The following HERC6 variants were observed in gnomAD, a reference collection of about 807,000 sequenced individuals.
HERC6 encodes the protein probable E3 ubiquitin-protein ligase HERC6.
Under a neutral mutation model 114.5 loss-of-function variants are expected in HERC6, and 101 were observed. The ratio of observed to expected loss-of-function variants is 0.88; its 90% CI spans 0.75 to 1.04. HERC6 has a LOEUF of 1.04. HERC6 is among the 50% of genes least tolerant of loss of function. The pLI, the probability that HERC6 is intolerant of heterozygous loss-of-function variation, is 0.00. For synonymous variants in HERC6, 408 were observed against 436.2 expected, an observed-to-expected ratio of 0.94 and a Z score of 0.81; for missense variants, 1,133 against 1,230.9, an observed-to-expected ratio of 0.92 and a Z score of 1.19.
rs760163707 is a variant in HERC6 at position 88,417,560 on chromosome 4, T to C, written c.1694T>C (p.Met565Thr). 4 of 1,612,920 alleles carry C rather than the reference T, an allele frequency of 2.5e-6. No homozygotes were observed. Among genetic ancestry groups the C allele is most frequent in the Non-Finnish European group, 2.5e-6 (3 of 1,179,440 alleles). ...DHCNVKALLG[M>T]MKELHKVNKA... ...TGTAATGTTAAAGCTCTTTTAGGAA[T>C]GATGAAAGAACTGCATAAGGTAAGG... The change falls in exon 13 of 23, where the codon ATG (methionine) becomes ACG (threonine). Residue 565 changes from methionine to threonine, a missense_variant. Transcript: ENST00000264346.
chr4:88,404,398 A>G (rs1248556909), intron 8 of HERC6, among the ~76,000 whole-genome samples: 1 of 151,996 alleles, frequency 6.6e-6, no homozygotes, highest in Admixed American at 6.6e-5. Flanking sequence ...CATGTTGACC[A>G]GGCTGGTTTC....
chr4:88,421,928 G>A (rs1350865078), intron 13 of HERC6, among the ~76,000 whole-genome samples: 1 of 152,008 alleles, frequency 6.6e-6, no homozygotes, highest in Non-Finnish European at 1.5e-5. Context: ...GTTTATTTAG[G>A]TCTTTTGTCC....
intron 12 of HERC6, among the ~76,000 whole-genome samples, chr4:88,414,563 T>C (rs76482641): frequency 0.031 from 4,682 of 152,264 alleles, 260 homozygotes; most frequent in African/African-American, 0.11. Flanking sequence ...GCAGAGCAGC[T>C]CCTTGGGGCT....
chr4:88,423,908 G>A lies in HERC6; in HGVS notation c.1762G>A (p.Glu588Lys), dbSNP rs1737323781. The A allele has an allele frequency of 1.3e-6, 2 of 1,578,254 alleles. No homozygotes were observed. The highest frequency in any genetic ancestry group is 3.8e-5 in the Admixed American group (2 of 52,542). ...ACCAGAAAATACTTTCAACATAAAT[G>A]AACTCTCCAACTTATTAAACTTTTA... ...RLPENTFNIN[E>K]LSNLLNFYID... Residue 588 changes from glutamate (E) to lysine (K), a missense_variant, in exon 14 of 23, where the codon GAA (glutamate) becomes AAA (lysine). Transcript: ENST00000264346.
chr4:88,387,089 T>A (rs1734623382), intron 3 of HERC6, among the ~76,000 whole-genome samples: 2 of 152,162 alleles, frequency 1.3e-5, no homozygotes, highest in African/African-American at 4.8e-5. Flanking sequence ...TTTTTTCACA[T>A]AATTACCTTA....
chr4:88,416,278 C>T (rs991785282), intron 12 of HERC6, among the ~76,000 whole-genome samples: 4 of 152,226 alleles, frequency 2.6e-5, no homozygotes, highest in African/African-American at 9.6e-5. Context: ...TAAAGCCTGG[C>T]TTATAATTCC....
At position 88,439,907 on chromosome 4, in the gene HERC6, T is replaced by C. The variant is rs1375661282; in HGVS notation, c.2589T>C (p.Ile863=). The C allele has an allele frequency of 6.3e-7, 1 of 1,581,230 alleles. No homozygotes were observed. Among genetic ancestry groups the C allele is most frequent in the South Asian group, 1.2e-5 (1 of 85,536 alleles). ...ATGTTTCTAAGTATATTGATTACAT[T>C]TTCAACGTCTCTGTAAAAGCAGTTT... ...RDYVSKYIDY[I]FNVSVKAVYE... The change falls in exon 21 of 23, where the codon ATT becomes ATC. Residue 863 remains isoleucine (I), a synonymous_variant. Coordinates refer to ENST00000264346, the MANE Select transcript of HERC6 (RefSeq NM_017912.4).
At chr4:88,418,196 A>G (rs906306402) in intron 13 of HERC6, among the ~76,000 whole-genome samples, 8 of 152,184 alleles carry the variant, frequency 5.3e-5, no homozygotes, top group African/African-American at 1.9e-4. Flanking sequence ...GGCCTGCTAG[A>G]AATGTTCCAT....
intron 10 of HERC6, among the ~76,000 whole-genome samples, chr4:88,408,187 G>A (rs576879837): frequency 2.9e-4 from 44 of 152,300 alleles, no homozygotes; most frequent in African/African-American, 1.1e-3. Flanking sequence ...ATGGTAAGGA[G>A]GGTGGGGGGT....
chr4:88,387,831 CCTT>C (rs1734665919), intron 3 of HERC6, among the ~76,000 whole-genome samples: 1 of 152,318 alleles, frequency 6.6e-6, no homozygotes, highest in Non-Finnish European at 1.5e-5. Flanking sequence ...TTCTCACACT[CCTT>C]CTTAATTATG....
chr4:88,417,691 T>A, intron 13 of HERC6, 112 bp downstream of exon 13: 1 of 851,132 alleles, frequency 1.2e-6, no homozygotes, highest in South Asian at 2.1e-5. Context: ...GAGTCAAATG[T>A]TTTTTAAAGG....
intron 8 of HERC6, among the ~76,000 whole-genome samples, chr4:88,402,724 C>T (rs1212617377): frequency 6.6e-6 from 1 of 152,122 alleles, no homozygotes. Flanking sequence ...GAGAAGATTA[C>T]AAAACAAGAA....
In HERC6 at chr4:88,417,406, G is replaced by T. The variant is rs760123705; in HGVS notation, c.1559-19G>T. The T allele has an allele frequency of 1.9e-6, 3 of 1,601,572 alleles. No homozygotes were observed. Among genetic ancestry groups the T allele is most frequent in the South Asian group, 2.2e-5 (2 of 88,956 alleles). Reference sequence around the variant, plus strand: ...TGGTAGGAAAAACATATTTATCATGGCTAATTTTACACCCCCAGAGAAGTG... The same window carrying T: ...TGGTAGGAAAAACATATTTATCATGTCTAATTTTACACCCCCAGAGAAGTG... On this transcript the variant is annotated intron_variant, in intron 12 of 22. Transcript: ENST00000264346.
chr4:88,439,678 CCTT>C (rs994032915), intron 20 of HERC6, among the ~76,000 whole-genome samples, 193 bp from the exon 21 acceptor site: 3 of 152,134 alleles, frequency 2.0e-5, no homozygotes, highest in African/African-American at 7.2e-5. Context: ...TAGTTTTAAA[CCTT>C]CTGATTATAT....
intron 8 of HERC6, among the ~76,000 whole-genome samples, chr4:88,402,709 A>G (rs879217374): frequency 6.6e-6 from 1 of 152,208 alleles, no homozygotes; most frequent in African/African-American, 2.4e-5. Context: ...TGACCAGGAC[A>G]GTGGGAGAAG....
chr4:88,401,826 A>G (rs1369258390), intron 8 of HERC6, among the ~76,000 whole-genome samples: 1 of 152,208 alleles, frequency 6.6e-6, no homozygotes, highest in Admixed American at 6.5e-5. Context: ...AATCCATTAG[A>G]CAATATCACG....
At position 88,390,661 on chromosome 4, in the gene HERC6, T is replaced by G; in HGVS notation, c.446T>G (p.Val149Gly). 6.2e-7 allele frequency: 1 copy of G among 1,600,694 alleles called. No homozygotes were observed. Among genetic ancestry groups the G allele is most frequent in the Non-Finnish European group, 8.5e-7 (1 of 1,169,710 alleles). ...HSLALSKDSQ[V>G]FSWGKNSHGQ... The stretch of plus-strand genomic sequence containing the variant: ...CTCGTCTTTGTTGTAGATAGCCAAG[T>G]GTTTTCGTGGGGAAAGAACAGCCAT... Residue 149 changes from valine to glycine, a missense_variant, in exon 4 of 23, where the codon GTG becomes GGG. By Grantham distance (109) the Val-to-Gly change is moderately radical. Coordinates refer to ENST00000264346, the MANE Select transcript of HERC6 (RefSeq NM_017912.4).
Position 88,431,318 on chromosome 4 carries a change from T to C in HERC6, c.2250+13T>C, listed in dbSNP as rs761904875. 5.1e-6 allele frequency: 3 copies of C among 588,746 alleles called. No individual in the cohort carries two copies. The Admixed American group carries it at 1.3e-4, about 26-fold the overall frequency. The allele number at this position is 588,746 out of a possible 1,614,324, so 36.5% of individuals were successfully genotyped here. On this transcript the variant is annotated intron_variant, in intron 17 of 22. Transcript: ENST00000264346. ...GTTTCCTGCCAAGGTAAGTCTTTTC[T>C]TTTTTTTTTTTCCCCCAGAACAGAA...
intron 3 of HERC6, among the ~76,000 whole-genome samples, chr4:88,390,394 T>A (rs1734843851): frequency 6.6e-6 from 1 of 152,058 alleles, no homozygotes; most frequent in Non-Finnish European, 1.5e-5. Context: ...AGAGGGTAGA[T>A]CTTAAGTATT....
Sources: allele counts gnomAD v4.1 joint callset (sites outside exome capture counted in the v4.1 genomes callset), GRCh38; gene constraint gnomAD v4.1.1; transcripts MANE v1.5; gene names NCBI Gene and HGNC (gene_info 2026-07-23, HGNC 2026-07-21).